MBTD1: variants seen among roughly 807,000 people sequenced by gnomAD.
MBTD1 encodes the protein mbt domain containing 1, also known as MBT domain-containing protein 1.
MBTD1 carries 24 observed loss-of-function variants against 87.8 expected under a neutral mutation model. The ratio of observed to expected loss-of-function variants is 0.27; its 90% CI spans 0.20 to 0.38. The LOEUF is 0.38. Ranked by LOEUF, MBTD1 falls within the 10% of genes least tolerant of loss-of-function variation. The pLI is 1.00. For synonymous variants in MBTD1, 237 were observed against 248.6 expected (o/e 0.95, Z 0.44); for missense variants, 436 against 760.2 (o/e 0.57, Z 5.02).
At chr17:51,221,860 G>A (rs2052914533) in intron 3 of MBTD1, among the ~76,000 whole-genome samples, 1 of 152,128 alleles carries the variant, frequency 6.6e-6, no homozygotes, top group African/African-American at 2.4e-5. Flanking sequence ...TGGTATCTGA[G>A]GGAAATCTTG....
chr17:51,204,224 T>A (rs1181983634), intron 7 of MBTD1, among the ~76,000 whole-genome samples: 2 of 152,082 alleles, frequency 1.3e-5, no homozygotes, highest in Non-Finnish European at 2.9e-5. Flanking sequence ...GAGCATGGCA[T>A]CCTTACATGT....
chr17:51,183,331 C>T (rs2050400923), intron 16 of MBTD1: 3 of 152,076 alleles, frequency 2.0e-5, no homozygotes, highest in Admixed American at 2.0e-4. Context: ...ACCACCACAC[C>T]TGGCTAATTT....
At chr17:51,243,764 C>T (rs983917782) in intron 2 of MBTD1, among the ~76,000 whole-genome samples, 5 of 152,108 alleles carry the variant, frequency 3.3e-5, no homozygotes, top group African/African-American at 1.2e-4. Flanking sequence ...TGGTGTCAAG[C>T]GATCCTCCCA....
chr17:51,225,073 G>C lies in MBTD1; in HGVS notation c.89C>G (p.Ser30Cys). Residue 30 changes from serine to cysteine, a missense_variant, in exon 3 of 17, where the codon TCT becomes TGT. Physicochemically the swap from Ser to Cys is moderately radical, Grantham distance 112. Coordinates refer to ENST00000586178, the MANE Select transcript of MBTD1 (RefSeq NM_017643.3). Reference sequence around the variant, plus strand: ...ATTGTTTTTGATAATCGGGAGATTAGAAGGTAAAGGAGCGACTTCTTCCTC... The same window carrying C: ...ATTGTTTTTGATAATCGGGAGATTACAAGGTAAAGGAGCGACTTCTTCCTC... ...ESEEEVAPLP[S>C]NLPIIKNNGQ... 1.9e-6 allele frequency: 3 copies of C among 1,551,780 alleles called. No individual in the cohort carries two copies. Among genetic ancestry groups the C allele is most frequent in the Non-Finnish European group, 2.6e-6 (3 of 1,146,942 alleles).
chr17:51,202,856 C>T lies in MBTD1; in HGVS notation c.908G>A (p.Arg303Gln), dbSNP rs1181991312. 4 of 1,614,136 alleles carry T rather than the reference C, an allele frequency of 2.5e-6. No homozygotes were observed. The highest frequency in any genetic ancestry group is 2.2e-5 in the East Asian group (1 of 44,870). The change falls in exon 10 of 17, where the codon CGA (arginine) becomes CAA (glutamine). Residue 303 changes from arginine to glutamine, a missense_variant. Arg to Gln is a conservative substitution (Grantham distance 43, BLOSUM62 1). Transcript: ENST00000586178. Reference sequence around the variant, plus strand: ...AATTACACTTTCCACCACTGCTACTCGTGTTCGACACAAATGCCTCTTGTC... The same window carrying T: ...AATTACACTTTCCACCACTGCTACTTGTGTTCGACACAAATGCCTCTTGTC... Reference protein sequence around the residue: ...VVDKRHLCRTRVAVVESVIGG... With the variant: ...VVDKRHLCRTQVAVVESVIGG...
chr17:51,251,254 C>A (rs1194687889), intron 2 of MBTD1: 3 of 152,120 alleles, frequency 2.0e-5, no homozygotes, highest in Non-Finnish European at 4.4e-5. Context: ...ATAGGCAGAG[C>A]TCCTACTTCA....
At chr17:51,259,349 C>A in intron 1 of MBTD1, 143 bp from the exon 2 acceptor site, 1 of 902,278 alleles carries the variant, frequency 1.1e-6, no homozygotes, top group Non-Finnish European at 1.5e-6. Context: ...CCACCCCGCC[C>A]CCTTTCAATA....
chr17:51,193,656 C>G (rs756965283), intron 13 of MBTD1, 146 bp from the exon 14 acceptor site: 1 of 611,584 alleles, frequency 1.6e-6, no homozygotes. Context: ...CTTGCTCTGT[C>G]GCCCAGGCTG....
In MBTD1 at chr17:51,206,886, A is replaced by T; in HGVS notation, c.604+2T>A. ...TACTAAACTATTATTCATGCTTTTCACCTGCTAATTTTACAATTCCAGCAA... is the reference window on the plus strand; with the variant it reads ...TACTAAACTATTATTCATGCTTTTCTCCTGCTAATTTTACAATTCCAGCAA... On this transcript the variant is annotated splice_donor_variant, in intron 7 of 16. Coordinates refer to ENST00000586178, the MANE Select transcript of MBTD1 (RefSeq NM_017643.3). LOFTEE classifies it high-confidence loss of function. 1 of 1,574,630 alleles carries T rather than the reference A, an allele frequency of 6.4e-7. No homozygotes were observed. The highest frequency in any genetic ancestry group is 8.7e-7 in the Non-Finnish European group (1 of 1,144,324).
chr17:51,260,795 C>T (rs759735049), upstream of MBTD1: 4 of 1,580,092 alleles, frequency 2.5e-6, no homozygotes, highest in Middle Eastern at 1.9e-4. Context: ...GGAAGAGAGA[C>T]GGCTCCGGCA....
At chr17:51,241,231 C>T (rs1225488171) in intron 2 of MBTD1, among the ~76,000 whole-genome samples, 1 of 152,122 alleles carries the variant, frequency 6.6e-6, no homozygotes, top group Non-Finnish European at 1.5e-5. Context: ...GCCTTGGCCT[C>T]CCAAAGTGCT....
chr17:51,236,389 G>A (rs2053838611), intron 2 of MBTD1, among the ~76,000 whole-genome samples: 1 of 152,160 alleles, frequency 6.6e-6, no homozygotes, highest in Non-Finnish European at 1.5e-5. Flanking sequence ...AGGATTACAG[G>A]TGTGTGCCAC....
At chr17:51,195,857 T>G (rs2145122091) in intron 12 of MBTD1, among the ~76,000 whole-genome samples, 1 of 152,338 alleles carries the variant, frequency 6.6e-6, no homozygotes, top group East Asian at 1.9e-4. Flanking sequence ...TGGTCCACAT[T>G]AAGGGTCCTC....
intron 2 of MBTD1, among the ~76,000 whole-genome samples, chr17:51,230,234 A>G (rs1266185970): frequency 6.6e-6 from 1 of 152,224 alleles, no homozygotes; most frequent in Non-Finnish European, 1.5e-5. Flanking sequence ...AGCACTTTGA[A>G]CTGACAATGT....
rs201877980 is a variant in MBTD1 at position 51,187,401 on chromosome 17, C to CAAAAAA, written c.1768+4796_1768+4801dup. 1.3e-4 allele frequency among the ~76,000 whole-genome samples: 15 copies of CAAAAAA among 113,690 alleles called. No homozygotes were observed. In the South Asian group the frequency reaches 4.4e-3, roughly 33 times the overall value. 74.6% of individuals were successfully genotyped at this position (113,690 alleles called of 152,430 possible). A position where few individuals can be genotyped will look rare whatever the true frequency, so the allele number is the denominator to read the frequency against. On this transcript the variant is annotated intron_variant, in intron 16 of 16. Coordinates refer to ENST00000586178, the MANE Select transcript of MBTD1 (RefSeq NM_017643.3). ...TGGGCAATAAAGTGAGACCTTGTCT[C>CAAAAAA]AAAAAAAAAAAAAAAAAAGTATCAC... is the stretch of plus-strand genomic sequence containing the variant.
intron 12 of MBTD1, among the ~76,000 whole-genome samples, chr17:51,197,262 C>T (rs1259720324): frequency 3.3e-5 from 5 of 150,484 alleles, no homozygotes; most frequent in African/African-American, 4.9e-5. Context: ...CCACCACACC[C>T]GACTTATTTT....
intron 6 of MBTD1, 85 bp from the exon 7 acceptor site, chr17:51,207,090 A>G (rs1027435716): frequency 2.8e-5 from 18 of 640,070 alleles, no homozygotes; most frequent in African/African-American, 2.5e-4. Context: ...ACCATCAATA[A>G]TAGGAATATT....
intron 2 of MBTD1, among the ~76,000 whole-genome samples, chr17:51,240,519 T>C (rs6504700): frequency 0.62 from 93,783 of 151,970 alleles, 29,432 homozygotes; most frequent in African/African-American, 0.73. Context: ...TGATAGTTTC[T>C]TCATTATCAG....
chr17:51,223,632 T>G (rs958981935), intron 3 of MBTD1, among the ~76,000 whole-genome samples: 1 of 152,038 alleles, frequency 6.6e-6, no homozygotes, highest in African/African-American at 2.4e-5. Flanking sequence ...GGTCAGGAGT[T>G]TGAGACCGGC....
Sources: gnomAD v4.1 joint callset for allele counts (sites outside exome capture counted in the v4.1 genomes callset) on GRCh38, gnomAD v4.1.1 for gene constraint, MANE v1.5 for transcripts, NCBI Gene and HGNC (gene_info 2026-07-23, HGNC 2026-07-21) for gene names.